TMEM132B: variants seen among roughly 807,000 people sequenced by gnomAD.
The protein encoded by TMEM132B is transmembrane protein 132B.
TMEM132B carries 18 observed loss-of-function variants against 90.8 expected under a neutral mutation model. The observed-to-expected ratio is 0.20, with a 90% CI of 0.14 to 0.29. The LOEUF is 0.29. Ranked by LOEUF, TMEM132B falls within the 10% of genes least tolerant of loss-of-function variation. TMEM132B has a pLI of 1.00. For missense variants in TMEM132B, 1,096 were observed against 1,326.8 expected (o/e 0.83, Z 2.70); for synonymous variants, 504 against 523.3 (o/e 0.96, Z 0.50).
intron 1 of TMEM132B, among the ~76,000 whole-genome samples, chr12:125,248,006 C>T (rs1039015650): frequency 7.2e-5 from 11 of 152,144 alleles, no homozygotes; most frequent in Non-Finnish European, 1.5e-5. Context: ...TTTGGATTAG[C>T]GCATGTGTTC....
chr12:125,411,340 T>C (rs1413100169), intron 2 of TMEM132B, among the ~76,000 whole-genome samples: 1 of 126,954 alleles, frequency 7.9e-6, no homozygotes, highest in African/African-American at 3.0e-5. Context: ...GAGGGGAACA[T>C]CACACACTGG....
intron 3 of TMEM132B, among the ~76,000 whole-genome samples, chr12:125,511,953 G>A (rs1042834145): frequency 6.6e-6 from 1 of 152,066 alleles, no homozygotes; most frequent in Non-Finnish European, 1.5e-5. Flanking sequence ...TGAGGTGAGG[G>A]TTCACCACCA....
intron 4 of TMEM132B, among the ~76,000 whole-genome samples, chr12:125,565,940 C>T (rs953213314): frequency 1.3e-5 from 2 of 152,176 alleles, no homozygotes; most frequent in Admixed American, 6.5e-5. Context: ...CCCTCTTCTA[C>T]CCAGTATTTC....
intron 1 of TMEM132B, among the ~76,000 whole-genome samples, chr12:125,191,191 CGGGGAAGGGGTGGTGATGGTGAT>C (rs1240747331): frequency 9.3e-5 from 4 of 42,866 alleles, no homozygotes; most frequent in African/African-American, 1.9e-4. Flanking sequence ...GTGACAGTGA[CGGGGAAGGGGTGGTGATGGTGAT>C]GGGGAAGGGG....
At chr12:125,568,071 C>G (rs1884702393) in intron 4 of TMEM132B, among the ~76,000 whole-genome samples, 1 of 152,098 alleles carries the variant, frequency 6.6e-6, no homozygotes, top group Non-Finnish European at 1.5e-5. Flanking sequence ...TCTCTAAGCT[C>G]CAGCACCCCA....
chr12:125,399,469 GTGTGTGTGTGTGTA>G (rs1265488825), intron 2 of TMEM132B, among the ~76,000 whole-genome samples: 4,774 of 96,440 alleles, frequency 0.05, 261 homozygotes, highest in East Asian at 0.4. Context: ...GTGTGTGTGT[GTGTGTGTGTGTGTA>G]TGTGTGTGTG....
intron 1 of TMEM132B, among the ~76,000 whole-genome samples, chr12:125,226,537 G>T (rs116754292): frequency 6.6e-6 from 1 of 152,216 alleles, no homozygotes; most frequent in South Asian, 2.1e-4. Context: ...CTAAGATTTT[G>T]TGGTTCTCAT....
At chr12:125,437,970 A>G (rs183224691) in intron 3 of TMEM132B, among the ~76,000 whole-genome samples, 1 of 152,336 alleles carries the variant, frequency 6.6e-6, no homozygotes, top group African/African-American at 2.4e-5. Context: ...TTATTTTACC[A>G]CAACAAAAAA....
At chr12:125,210,190 T>A (rs1212993589) in intron 1 of TMEM132B, among the ~76,000 whole-genome samples, 2 of 152,132 alleles carry the variant, frequency 1.3e-5, no homozygotes, top group African/African-American at 4.8e-5. Context: ...AGGGAGATGC[T>A]GTCATAGATT....
At position 125,432,413 on chromosome 12, in the gene TMEM132B, A is replaced by ATATATATATGTATGTG. The variant is rs1201709151; in HGVS notation, c.1106+16812_1106+16827dup. ...TATATATATATGTATGTATGTGTAT[A>ATATATATATGTATGTG]TATATATATGTATGTGTATATATAT... On this transcript the variant is annotated intron_variant, in intron 3 of 8. Coordinates refer to ENST00000682704, the MANE Select transcript of TMEM132B (RefSeq NM_001366854.1). 9.3e-4 allele frequency among the ~76,000 whole-genome samples: 63 copies of ATATATATATGTATGTG among 67,506 alleles called. 9 individuals are homozygous for ATATATATATGTATGTG. In the East Asian group the frequency reaches 0.017, roughly 19 times the overall value. 44.3% of individuals were successfully genotyped at this position (67,506 alleles called of 152,430 possible).
chr12:125,525,714 C>T (rs1947219287), intron 4 of TMEM132B, among the ~76,000 whole-genome samples: 1 of 152,208 alleles, frequency 6.6e-6, no homozygotes, highest in African/African-American at 2.4e-5. Context: ...GTGGTGTTCT[C>T]TTAGCCAACG....
chr12:125,646,477 C>T (rs740331), intron 6 of TMEM132B, among the ~76,000 whole-genome samples: 48,620 of 152,032 alleles, frequency 0.32, 8,662 homozygotes, highest in African/African-American at 0.46. Flanking sequence ...CTTGAAGGGC[C>T]GCTGGGGGAA....
intron 5 of TMEM132B, among the ~76,000 whole-genome samples, chr12:125,601,641 A>G (rs1445007248): frequency 6.6e-6 from 1 of 152,204 alleles, no homozygotes; most frequent in Non-Finnish European, 1.5e-5. Context: ...AGATAGAGAC[A>G]TGAATAACCC....
intron 3 of TMEM132B, among the ~76,000 whole-genome samples, chr12:125,432,372 T>C (rs1439113384): frequency 1.7e-5 from 1 of 57,940 alleles, no homozygotes. Context: ...CTTGAATATA[T>C]ATATATATAT....
intron 1 of TMEM132B, among the ~76,000 whole-genome samples, chr12:125,236,072 G>A (rs1459630266): frequency 6.6e-6 from 1 of 151,790 alleles, no homozygotes; most frequent in African/African-American, 2.4e-5. Context: ...CAAAGTGCTG[G>A]GATTACAGGC....
rs768917407 is a variant in TMEM132B, at chr12:125,432,397, A to ATATATATATATATATGTATG, written c.1106+16721_1106+16722insATATATATATATATGTATGT. Among the ~76,000 whole-genome samples, 9 of 68,318 alleles carry ATATATATATATATATGTATG rather than the reference A, an allele frequency of 1.3e-4. 1 individual carries two copies. Among genetic ancestry groups the ATATATATATATATATGTATG allele is most frequent in the African/African-American group, 5.8e-4 (9 of 15,436 alleles). 44.8% of individuals were successfully genotyped at this position (68,318 alleles called of 152,430 possible). On this transcript the variant is annotated intron_variant, in intron 3 of 8. Transcript: ENST00000682704. ...TATATATATATATATATATATATAT[A>ATATATATATATATATGTATG]TGTATGTATGTGTATATATATATAT...
At chr12:125,497,858 G>A (rs973049439) in intron 3 of TMEM132B, among the ~76,000 whole-genome samples, 22 of 152,180 alleles carry the variant, frequency 1.4e-4, no homozygotes, top group Non-Finnish European at 2.5e-4. Context: ...TTGAGCAGCC[G>A]GTGGCTAGCA....
intron 1 of TMEM132B, among the ~76,000 whole-genome samples, chr12:125,309,847 G>C (rs1876081912): frequency 1.3e-5 from 2 of 152,224 alleles, no homozygotes; most frequent in African/African-American, 4.8e-5. Flanking sequence ...AATTGGGACA[G>C]GGTGTGGCAG....
Position 125,423,312 on chromosome 12 carries a change from C to T in TMEM132B, c.1106+7635C>T, listed in dbSNP as rs1336227923. Among the ~76,000 whole-genome samples the T allele has an allele frequency of 7.9e-5, 12 of 152,300 alleles. No individual in the cohort carries two copies. In the East Asian group the frequency reaches 2.3e-3, roughly 29 times the overall value. Reference sequence around the variant, plus strand: ...TGGACACTTGGAAGACCTCTGAGTACCAGCCACTTCAGGAGTTCAAAGCCA... The same window carrying T: ...TGGACACTTGGAAGACCTCTGAGTATCAGCCACTTCAGGAGTTCAAAGCCA... On this transcript the variant is annotated intron_variant, in intron 3 of 8. Coordinates refer to ENST00000682704, the MANE Select transcript of TMEM132B (RefSeq NM_001366854.1).
Sources: gnomAD v4.1 joint callset for allele counts (sites outside exome capture counted in the v4.1 genomes callset) on GRCh38, gnomAD v4.1.1 for gene constraint, MANE v1.5 for transcripts, NCBI Gene and HGNC (gene_info 2026-07-23, HGNC 2026-07-21) for gene names.